Variants in UNC13C observed in about 807,000 individuals in gnomAD.
The protein encoded by UNC13C is protein unc-13 homolog C.
A neutral mutation model predicts 245.4 loss-of-function variants in UNC13C; 174 were observed. The observed-to-expected ratio is 0.71, with a 90% CI of 0.63 to 0.80. UNC13C has a LOEUF of 0.80. UNC13C is among the 30% of genes least tolerant of loss of function. UNC13C has a pLI of 0.00. For missense variants in UNC13C, 2,829 were observed against 2,602.9 expected (o/e 1.09, Z -1.89); for synonymous variants, 992 against 895.1 (o/e 1.11, Z -1.93).
intron 19 of UNC13C, among the ~76,000 whole-genome samples, chr15:54,493,613 G>T (rs924632784): frequency 6.6e-5 from 10 of 152,108 alleles, no homozygotes; most frequent in African/African-American, 2.4e-4. Context: ...AGCTTGGAAT[G>T]TAAAGTATAG....
intron 30 of UNC13C, among the ~76,000 whole-genome samples, chr15:54,610,296 C>T (rs939868619): frequency 6.6e-6 from 1 of 151,930 alleles, no homozygotes; most frequent in Admixed American, 6.6e-5. Flanking sequence ...AGCACAGTGG[C>T]GCGATCTCGG....
At chr15:54,219,964 G>A (rs1259479178) in intron 4 of UNC13C, among the ~76,000 whole-genome samples, 1 of 149,650 alleles carries the variant, frequency 6.7e-6, no homozygotes, top group East Asian at 1.9e-4. Flanking sequence ...TGGAGAGGAT[G>A]TGGAGAAATA....
At chr15:54,234,255 T>TAC (rs1334463071) in intron 4 of UNC13C, among the ~76,000 whole-genome samples, 1 of 151,790 alleles carries the variant, frequency 6.6e-6, no homozygotes, top group African/African-American at 2.4e-5. Flanking sequence ...TATATATATA[T>TAC]ATATGGGAGT....
At chr15:53,860,882 A>G in the UNC13C span, among the ~76,000 whole-genome samples, 1,564 of 152,312 alleles carry the variant, frequency 0.01, 21 homozygotes, top group Non-Finnish European at 0.013. Context: ...GGAGATTCAC[A>G]TAAATGTTGT....
At position 54,064,379 on chromosome 15, in the gene UNC13C, T is replaced by C. The variant is rs193236431; in HGVS notation, c.2983+48493T>C. 9.4e-4 allele frequency among the ~76,000 whole-genome samples: 143 copies of C among 152,308 alleles called. 1 individual carries two copies. Among genetic ancestry groups the C allele is most frequent in the South Asian group, 5.4e-3 (26 of 4,828 alleles). On this transcript the variant is annotated intron_variant, in intron 2 of 32. Transcript: ENST00000260323. Reference sequence around the variant, plus strand: ...CAACCTCGAAGTTTGAGAACCTGTCTCTAGCTCACTTAAGGTCTTTCCTCA... The same window carrying C: ...CAACCTCGAAGTTTGAGAACCTGTCCCTAGCTCACTTAAGGTCTTTCCTCA...
chr15:54,127,949 G>A (rs2031167281), intron 2 of UNC13C, among the ~76,000 whole-genome samples: 1 of 151,534 alleles, frequency 6.6e-6, no homozygotes, highest in South Asian at 2.1e-4. Context: ...GAAATGAAAG[G>A]CATCTAAATA....
At chr15:53,868,359 T>C in the UNC13C span, among the ~76,000 whole-genome samples, 132 of 152,314 alleles carry the variant, frequency 8.7e-4, no homozygotes, top group Non-Finnish European at 1.7e-3. Flanking sequence ...CAGTCTATGG[T>C]TCTTTATAAC....
intron 4 of UNC13C, among the ~76,000 whole-genome samples, chr15:54,191,357 A>G (rs1487993888): frequency 1.3e-5 from 2 of 152,112 alleles, no homozygotes; most frequent in African/African-American, 4.8e-5. Flanking sequence ...AGCTTCATCC[A>G]TGTCCCTGTA....
chr15:54,094,494 A>G lies in UNC13C; in HGVS notation c.2984-48524A>G, dbSNP rs73420927. Among the ~76,000 whole-genome samples the G allele has an allele frequency of 8.2e-3, 1,248 of 152,260 alleles. 16 individuals carry two copies. The highest frequency in any genetic ancestry group is 0.029 in the African/African-American group (1,197 of 41,550). On this transcript the variant is annotated intron_variant, in intron 2 of 32. Coordinates refer to ENST00000260323, the MANE Select transcript of UNC13C (RefSeq NM_001080534.3). ...TTTTATATTGTGCTTTGAGCTAACT[A>G]TGTAATTGTGTCTTTCAACAAGCTA...
intron 25 of UNC13C, among the ~76,000 whole-genome samples, chr15:54,529,699 T>C (rs1367955607): frequency 6.6e-6 from 1 of 152,216 alleles, no homozygotes; most frequent in Non-Finnish European, 1.5e-5. Flanking sequence ...ACTTCTCAAA[T>C]ACTAACTGTA....
At chr15:53,886,839 C>T in the UNC13C span, among the ~76,000 whole-genome samples, 1 of 152,088 alleles carries the variant, frequency 6.6e-6, no homozygotes, top group African/African-American at 2.4e-5. Flanking sequence ...GATTTACCTC[C>T]CGCAAATACA....
At chr15:53,849,462 A>T in the UNC13C span, among the ~76,000 whole-genome samples, 1 of 152,126 alleles carries the variant, frequency 6.6e-6, no homozygotes, top group Non-Finnish European at 1.5e-5. Context: ...TATAAACCTT[A>T]TAACATTATA....
In UNC13C at chr15:54,294,200, T is replaced by G. The variant is rs557207745; in HGVS notation, c.3988+136T>G. On this transcript the variant is annotated intron_variant, in intron 11 of 32. Coordinates refer to ENST00000260323, the MANE Select transcript of UNC13C (RefSeq NM_001080534.3). Reference sequence around the variant, plus strand: ...TTCTGTTGAACTTTAGATGATTCATTTCATTGACAAGAAAAGGCTATTCTT... The same window carrying G: ...TTCTGTTGAACTTTAGATGATTCATGTCATTGACAAGAAAAGGCTATTCTT... The G allele has an allele frequency of 2.1e-5, 16 of 754,362 alleles. No individual in the cohort carries two copies. The African/African-American group carries it at 2.5e-4, about 12-fold the overall frequency. The allele number at this position is 754,362 out of a possible 1,614,324, so 46.7% of individuals were successfully genotyped here.
At chr15:54,609,072 A>G (rs1899935262) in intron 30 of UNC13C, among the ~76,000 whole-genome samples, 1 of 152,022 alleles carries the variant, frequency 6.6e-6, no homozygotes, top group Admixed American at 6.6e-5. Context: ...AATGTTCTGA[A>G]CCCTGGGAAC....
chr15:54,096,208 C>T (rs1370491425), intron 2 of UNC13C, among the ~76,000 whole-genome samples: 3 of 152,140 alleles, frequency 2.0e-5, no homozygotes, highest in South Asian at 2.1e-4. Flanking sequence ...TTGAGACTTT[C>T]ATTCAGATCT....
intron 17 of UNC13C, among the ~76,000 whole-genome samples, chr15:54,359,692 A>T (rs75465555): frequency 0.04 from 6,026 of 151,914 alleles, 190 homozygotes; most frequent in African/African-American, 0.085. Flanking sequence ...GGCATCTGTT[A>T]TGATGTCTCC....
At position 54,253,862 on chromosome 15, in the gene UNC13C, T is replaced by C. The variant is rs542389518; in HGVS notation, c.3448+3418T>C. 5.9e-5 allele frequency among the ~76,000 whole-genome samples: 9 copies of C among 152,288 alleles called. No individual in the cohort carries two copies. The South Asian group carries it at 1.7e-3, about 28-fold the overall frequency. On this transcript the variant is annotated intron_variant, in intron 8 of 32. Transcript: ENST00000260323. ...GACAGCTACAGAGATTGGAAAAAAA[T>C]GCAAATAATCATGGCACTTTCCTTA...
intron 1 of UNC13C, among the ~76,000 whole-genome samples, chr15:53,983,259 A>T (rs566977584): frequency 6.6e-6 from 1 of 152,090 alleles, no homozygotes; most frequent in Non-Finnish European, 1.5e-5. Flanking sequence ...TACCTACTGT[A>T]CTTAGTTACT....
intron 17 of UNC13C, among the ~76,000 whole-genome samples, chr15:54,383,717 A>G (rs571099197): frequency 4.6e-5 from 7 of 152,216 alleles, no homozygotes; most frequent in Admixed American, 1.3e-4. Flanking sequence ...ATTAGAAGAG[A>G]GTCAAACTGT....
Sources: allele counts gnomAD v4.1 joint callset (sites outside exome capture counted in the v4.1 genomes callset), GRCh38; gene constraint gnomAD v4.1.1; transcripts MANE v1.5; gene names NCBI Gene and HGNC (gene_info 2026-07-23, HGNC 2026-07-21).